Variants in PHGDH observed in about 807,000 individuals in gnomAD.
PHGDH encodes the protein phosphoglycerate dehydrogenase, also known as D-3-phosphoglycerate dehydrogenase.
In PHGDH, 50 loss-of-function variants were observed where a neutral mutation model predicts 52.6. The ratio of observed to expected loss-of-function variants is 0.95; its 90% CI spans 0.76 to 1.20. PHGDH has a LOEUF of 1.20. Ranked by LOEUF, PHGDH falls within the 50% of genes most tolerant of loss-of-function variation. PHGDH has a pLI of 0.00. For missense variants in PHGDH, 630 were observed against 684.6 expected (o/e 0.92, Z 0.89); for synonymous variants, 271 against 280.5 (o/e 0.97, Z 0.34).
intron 1 of PHGDH, among the ~76,000 whole-genome samples, chr1:119,717,978 A>G (rs1447184887): frequency 2.6e-5 from 4 of 152,240 alleles, no homozygotes; most frequent in Non-Finnish European, 5.9e-5. Flanking sequence ...ATGGAAGTGT[A>G]TAAAACACTT....
chr1:119,740,939 G>A (rs1459272560), intron 9 of PHGDH, among the ~76,000 whole-genome samples: 1 of 152,188 alleles, frequency 6.6e-6, no homozygotes, highest in African/African-American at 2.4e-5. Context: ...CACTTGTAAA[G>A]TGAGAGTTAG....
At chr1:119,720,848 T>G (rs780588635) in intron 1 of PHGDH, 46 of 390,992 alleles carry the variant, frequency 1.2e-4, no homozygotes, top group Non-Finnish European at 1.9e-4. Flanking sequence ...ACATCCAGGC[T>G]GCAGGCATCA....
chr1:119,740,336 A>G, intron 8 of PHGDH, 50 bp from the exon 9 acceptor site: 1 of 1,610,830 alleles, frequency 6.2e-7, no homozygotes. Context: ...TTGATTCAGG[A>G]TCTGCCATGC....
chr1:119,732,264 G>A (rs1296598376), intron 5 of PHGDH, among the ~76,000 whole-genome samples: 1 of 152,226 alleles, frequency 6.6e-6, no homozygotes, highest in South Asian at 2.1e-4. Context: ...ACCTCAGGCA[G>A]GTAGGAGCCA....
intron 10 of PHGDH, 154 bp downstream of exon 10, chr1:119,742,051 A>C: frequency 1.5e-6 from 1 of 680,470 alleles, no homozygotes; most frequent in Non-Finnish European, 2.6e-6. Context: ...CTTCAACTGC[A>C]AAATGAAGAT....
chr1:119,721,379 C>T (rs1651159830), intron 2 of PHGDH, 58 bp downstream of exon 2: 3 of 1,555,540 alleles, frequency 1.9e-6, no homozygotes, highest in Admixed American at 1.7e-5. Flanking sequence ...GGAGACTGAC[C>T]ACACCTAGGG....
intron 1 of PHGDH, among the ~76,000 whole-genome samples, chr1:119,715,040 C>T (rs893562264): frequency 5.3e-5 from 8 of 152,084 alleles, no homozygotes; most frequent in Admixed American, 6.6e-5. Context: ...CCTAATATGC[C>T]GGAAAATATT....
In PHGDH at chr1:119,731,314, A is replaced by G. The variant is rs587731056; in HGVS notation, c.511-3320A>G. Among the ~76,000 whole-genome samples the G allele has an allele frequency of 3.3e-5, 5 of 152,280 alleles. No homozygotes were observed. In the South Asian group the frequency reaches 8.3e-4, roughly 25 times the overall value. ...TGTCTGCGAGAGACTTTTTCTCAAT[A>G]GTGTTGCTGAATGACAGGTCGTGAC... On this transcript the variant is annotated intron_variant, in intron 5 of 11. Coordinates refer to ENST00000641023, the MANE Select transcript of PHGDH (RefSeq NM_006623.4).
chr1:119,735,335 G>C lies in PHGDH; in HGVS notation c.684G>C (p.Gly228=). 1 of 1,614,226 alleles carries C rather than the reference G, an allele frequency of 6.2e-7. No individual in the cohort carries two copies. The highest frequency in any genetic ancestry group is 1.1e-5 in the South Asian group (1 of 91,088). ...ACACCTTTGCCCAGTGCAAGAAGGG[G>C]GTGCGTGTGGTGAACTGTGCCCGTG... The part of the protein sequence containing the change: ...NDNTFAQCKK[G]VRVVNCARGG... The change falls in exon 7 of 12, where the codon GGG becomes GGC. Residue 228 remains glycine, a synonymous_variant. Transcript: ENST00000641023.
Position 119,719,785 on chromosome 1 carries a change from TC to T in PHGDH, c.139-1384del, listed in dbSNP as rs1651072197. 5 of 152,364 alleles carry T rather than the reference TC, an allele frequency of 3.3e-5. No individual in the cohort carries two copies. In the South Asian group the frequency reaches 1.0e-3, roughly 32 times the overall value. 9.4% of individuals were successfully genotyped at this position (152,364 alleles called of 1,614,324 possible). ...GGCCCTTACCCTAGAAGCCAACTTCTCATGACCTTTCTCTATCTCCAGAATC... is the reference window on the plus strand; with the variant it reads ...GGCCCTTACCCTAGAAGCCAACTTCTATGACCTTTCTCTATCTCCAGAATC... On this transcript the variant is annotated intron_variant, in intron 1 of 11. Transcript: ENST00000641023.
rs756996899 is a variant in PHGDH at position 119,727,068 on chromosome 1, A to G, written c.476A>G (p.Glu159Gly). Residue 159 changes from glutamate (E) to glycine (G), a missense_variant, in exon 5 of 12, where the codon GAG becomes GGG. By Grantham distance (98) the Glu-to-Gly change is moderately conservative (BLOSUM62 -2). Transcript: ENST00000641023. ...CTTGGCCTGGGCAGGATTGGGAGAG[A>G]GGTAGCTACCCGGATGCAGTCCTTT... Reference protein sequence around the residue: ...GILGLGRIGREVATRMQSFGM... With the variant: ...GILGLGRIGRGVATRMQSFGM... 6.2e-7 allele frequency: 1 copy of G among 1,611,608 alleles called. No homozygotes were observed. Among genetic ancestry groups the G allele is most frequent in the Non-Finnish European group, 8.5e-7 (1 of 1,177,652 alleles).
intron 11 of PHGDH, 91 bp downstream of exon 11, chr1:119,743,135 C>T (rs1652292587): frequency 3.6e-6 from 3 of 842,442 alleles, no homozygotes; most frequent in Non-Finnish European, 6.3e-6. Flanking sequence ...CCTTTAGCCC[C>T]TCTTCATGTC....
intron 3 of PHGDH, among the ~76,000 whole-genome samples, chr1:119,725,282 C>G (rs1233212251): frequency 2.6e-5 from 4 of 152,180 alleles, no homozygotes; most frequent in African/African-American, 9.7e-5. Context: ...GCTCCATGAT[C>G]AGCTGGGAGC....
In PHGDH at chr1:119,727,014, C is replaced by G; in HGVS notation, c.422C>G (p.Thr141Arg). The G allele has an allele frequency of 6.2e-7, 1 of 1,613,324 alleles. No homozygotes were observed. The highest frequency in any genetic ancestry group is 8.5e-7 in the Non-Finnish European group (1 of 1,179,218). The change falls in exon 5 of 12, where the codon ACA (threonine) becomes AGA (arginine). Residue 141 changes from threonine to arginine, a missense_variant. Physicochemically the swap from Thr to Arg is moderately conservative, Grantham distance 71. Coordinates refer to ENST00000641023, the MANE Select transcript of PHGDH (RefSeq NM_006623.4). ...GKWERKKFMG[T>R]ELNGKTLGIL... ...CCTGTTTGGTTGCAGTTCATGGGAA[C>G]AGAGCTGAATGGAAAGACCCTGGGA...
chr1:119,721,363 G>T (rs757345833), intron 2 of PHGDH, 42 bp downstream of exon 2: 2 of 1,597,950 alleles, frequency 1.3e-6, no homozygotes, highest in Admixed American at 1.7e-5. Flanking sequence ...GTAGGGGGGT[G>T]AGTGCGGAGA....
chr1:119,742,164 G>A (rs903622088), intron 10 of PHGDH: 12 of 508,824 alleles, frequency 2.4e-5, no homozygotes, highest in African/African-American at 3.9e-5. Flanking sequence ...AGAAAATGAC[G>A]AGCTAGTGTG....
chr1:119,734,960 G>A (rs1651867362), intron 6 of PHGDH, 194 bp downstream of exon 6: 1 of 672,166 alleles, frequency 1.5e-6, no homozygotes, highest in Admixed American at 2.3e-5. Context: ...GAAGTGCTTG[G>A]GGTCTAGGTA....
intron 9 of PHGDH, among the ~76,000 whole-genome samples, chr1:119,741,011 T>G (rs1652180054): frequency 6.6e-6 from 1 of 152,140 alleles, no homozygotes; most frequent in South Asian, 2.1e-4. Flanking sequence ...AGGTGGTACC[T>G]TGGGCCGTCT....
intron 5 of PHGDH, 44 bp from the exon 6 acceptor site, chr1:119,734,590 T>C (rs1557976698): frequency 6.3e-7 from 1 of 1,592,166 alleles, no homozygotes. Context: ...ACAATACTAA[T>C]AATTAAGAAT....
Sources: gnomAD v4.1 joint callset for allele counts (sites outside exome capture counted in the v4.1 genomes callset) on GRCh38, gnomAD v4.1.1 for gene constraint, MANE v1.5 for transcripts, NCBI Gene and HGNC (gene_info 2026-07-23, HGNC 2026-07-21) for gene names.